Variants in HTR4 observed in about 807,000 individuals in gnomAD.
HTR4 encodes 5-hydroxytryptamine (serotonin) receptor 4, G protein-coupled.
In HTR4, 16 loss-of-function variants were observed where a neutral mutation model predicts 36.8. The ratio of observed to expected loss-of-function variants is 0.43; its 90% CI spans 0.29 to 0.66. HTR4 has a LOEUF of 0.66. Among genes scored for constraint, HTR4 ranks in the 30% least tolerant of loss-of-function variants. HTR4 has a pLI of 0.13. For missense variants in HTR4, 438 were observed against 490.9 expected (o/e 0.89, Z 1.02); for synonymous variants, 189 against 185.1 (o/e 1.02, Z -0.17).
At chr5:148,603,418 C>CA (rs1762063842) in intron 2 of HTR4, among the ~76,000 whole-genome samples, 1 of 152,028 alleles carries the variant, frequency 6.6e-6, no homozygotes, top group East Asian at 1.9e-4. Flanking sequence ...ATATTTTACA[C>CA]AAAATACTAT....
chr5:148,582,519 C>T (rs1189015137), intron 2 of HTR4, among the ~76,000 whole-genome samples: 2 of 151,998 alleles, frequency 1.3e-5, no homozygotes, highest in Non-Finnish European at 2.9e-5. Context: ...CCACAAGTAC[C>T]CAGTGTTTAA....
intron 4 of HTR4, among the ~76,000 whole-genome samples, chr5:148,529,749 G>A (rs1484476295): frequency 1.3e-5 from 2 of 152,226 alleles, no homozygotes; most frequent in Non-Finnish European, 2.9e-5. Context: ...GAAGAAGACA[G>A]GAAGATGTGA....
rs534785129 is a variant in HTR4, at chr5:148,462,332, C to T, written c.1077-11060G>A. On this transcript the variant is annotated intron_variant, in intron 5 of 5. Coordinates refer to the HTR4 transcript ENST00000521530. Reference sequence around the variant, plus strand: ...TTATTAACATAAGAAATGAAAGAAGCGACATCACTATAGACACCATGGGCA... The same window carrying T: ...TTATTAACATAAGAAATGAAAGAAGTGACATCACTATAGACACCATGGGCA... Among the ~76,000 whole-genome samples, 6 of 151,766 alleles carry T rather than the reference C, an allele frequency of 4.0e-5. 1 individual carries two copies. In the East Asian group the frequency reaches 9.7e-4, roughly 24 times the overall value.
chr5:148,503,384 G>A (rs1395519385), intron 6 of HTR4, among the ~76,000 whole-genome samples: 1 of 152,066 alleles, frequency 6.6e-6, no homozygotes, highest in African/African-American at 2.4e-5. Flanking sequence ...TTCATATCCA[G>A]CCAAACTAAG....
chr5:148,618,736 TCA>T (rs1231126049), intron 2 of HTR4, among the ~76,000 whole-genome samples: 1 of 152,246 alleles, frequency 6.6e-6, no homozygotes, highest in Non-Finnish European at 1.5e-5. Context: ...GCTCAACCTA[TCA>T]CTGTTCCTTC....
At chr5:148,630,019 A>G (rs2127299716) in intron 2 of HTR4, 1 of 152,278 alleles carries the variant, frequency 6.6e-6, no homozygotes, top group African/African-American at 2.4e-5. Flanking sequence ...AAGCAGTAAG[A>G]GCAACAGCAA....
intron 2 of HTR4, among the ~76,000 whole-genome samples, chr5:148,619,876 T>C (rs746943958): frequency 6.6e-6 from 1 of 152,180 alleles, no homozygotes; most frequent in Non-Finnish European, 1.5e-5. Context: ...TTGGAAAATA[T>C]AGCCTGTTTA....
At chr5:148,601,493 G>T (rs1337346603) in intron 2 of HTR4, among the ~76,000 whole-genome samples, 1 of 152,114 alleles carries the variant, frequency 6.6e-6, no homozygotes, top group Non-Finnish European at 1.5e-5. Flanking sequence ...ATATGCAGTG[G>T]AATAACATTT....
At chr5:148,513,923 T>C (rs749714661) in intron 5 of HTR4, among the ~76,000 whole-genome samples, 5 of 152,232 alleles carry the variant, frequency 3.3e-5, no homozygotes, top group African/African-American at 4.8e-5. Flanking sequence ...GTTGCTAATA[T>C]GTAGAACTTG....
chr5:148,528,885 G>C (rs374540268), intron 4 of HTR4, among the ~76,000 whole-genome samples: 1 of 151,794 alleles, frequency 6.6e-6, no homozygotes, highest in African/African-American at 2.4e-5. Context: ...TACTGACCAA[G>C]GGCTCTGCTC....
chr5:148,463,218 G>T (rs1162314355), intron 5 of HTR4, among the ~76,000 whole-genome samples: 3 of 130,180 alleles, frequency 2.3e-5, no homozygotes, highest in Non-Finnish European at 4.6e-5. Flanking sequence ...TGTTGTCCAG[G>T]TTAGAGTGCA....
At chr5:148,503,109 A>G (rs920720210) in intron 6 of HTR4, among the ~76,000 whole-genome samples, 6 of 152,242 alleles carry the variant, frequency 3.9e-5, no homozygotes, top group African/African-American at 1.4e-4. Context: ...CTAGCAAGGC[A>G]GGCCAACATT....
rs1431593228 is a variant in HTR4, at chr5:148,509,593, G to A, written c.939C>T (p.Ala313=). Reference sequence around the variant, plus strand: ...CACGTCTAAAAGACTTATTCAAGAAGGCGTAGAGAAAAGGGTTCAACCCGG... The same window carrying A: ...CACGTCTAAAAGACTTATTCAAGAAAGCGTAGAGAAAAGGGTTCAACCCGG... ...INSGLNPFLY[A]FLNKSFRRAF... Residue 313 remains alanine, a synonymous_variant, in exon 6 of 7, where the codon GCC becomes GCT. Transcript: ENST00000377888. 3 of 1,613,954 alleles carry A rather than the reference G, an allele frequency of 1.9e-6. No homozygotes were observed. Among genetic ancestry groups the A allele is most frequent in the African/African-American group, 2.7e-5 (2 of 74,922 alleles).
intron 4 of HTR4, among the ~76,000 whole-genome samples, chr5:148,537,640 A>T (rs1758890363): frequency 6.6e-6 from 1 of 152,140 alleles, no homozygotes; most frequent in Non-Finnish European, 1.5e-5. Flanking sequence ...CCTAGAAGAG[A>T]TGGATAAATT....
At chr5:148,474,662 G>A (rs1755653092), downstream of HTR4, among the ~76,000 whole-genome samples, 1 of 152,140 alleles carries the variant, frequency 6.6e-6, no homozygotes, top group South Asian at 2.1e-4. Context: ...CAGAGGGAGT[G>A]TCTCTTTAAA....
At chr5:148,461,074 A>G (rs1382507392) in intron 5 of HTR4, among the ~76,000 whole-genome samples, 2 of 152,026 alleles carry the variant, frequency 1.3e-5, no homozygotes, top group Admixed American at 1.3e-4. Flanking sequence ...GTTATTAAAT[A>G]TGTTTTCCCA....
chr5:148,627,494 C>G, intron 2 of HTR4, among the ~76,000 whole-genome samples: 1 of 152,134 alleles, frequency 6.6e-6, no homozygotes, highest in East Asian at 1.9e-4. Context: ...GTCAGTTACA[C>G]TGTTGATAGA....
At chr5:148,465,162 G>C (rs954088984) in intron 5 of HTR4, among the ~76,000 whole-genome samples, 3 of 152,184 alleles carry the variant, frequency 2.0e-5, no homozygotes, top group Non-Finnish European at 4.4e-5. Context: ...GCAGATACAT[G>C]TCATTATGTG....
intron 1 of HTR4, among the ~76,000 whole-genome samples, chr5:148,643,659 A>C (rs751636363): frequency 6.6e-6 from 1 of 152,258 alleles, no homozygotes; most frequent in Non-Finnish European, 1.5e-5. Flanking sequence ...AATAAATGGC[A>C]TGGCATAATC....
Sources: allele counts gnomAD v4.1 joint callset (sites outside exome capture counted in the v4.1 genomes callset), GRCh38; gene constraint gnomAD v4.1.1; transcripts MANE v1.5; gene names NCBI Gene and HGNC (gene_info 2026-07-23, HGNC 2026-07-21).